AMZ1: variants seen among roughly 807,000 people sequenced by gnomAD.
The protein encoded by AMZ1 is archaemetzincin-1.
A neutral mutation model predicts 29.9 loss-of-function variants in AMZ1; 39 were observed. The ratio of observed to expected loss-of-function variants is 1.30; its 90% CI spans 1.01 to 1.70. The LOEUF is 1.70. AMZ1 is among the 40% of genes most tolerant of loss of function. The pLI, the probability that AMZ1 is intolerant of heterozygous loss-of-function variation, is 0.00. For synonymous variants in AMZ1, 458 were observed against 304.0 expected (o/e 1.51, Z -5.27); for missense variants, 1,041 against 680.6 (o/e 1.53, Z -5.89).
At chr7:2,711,551 G>A (rs965231373) in intron 6 of AMZ1, among the ~76,000 whole-genome samples, 5 of 152,184 alleles carry the variant, frequency 3.3e-5, no homozygotes, top group Non-Finnish European at 7.3e-5. Context: ...GTGAAATGGA[G>A]AAAACATTTA....
upstream of AMZ1, chr7:2,762,651 G>C (rs1406242039): frequency 3.8e-6 from 6 of 1,599,186 alleles, no homozygotes; most frequent in Non-Finnish European, 5.1e-6. Flanking sequence ...CAGAGCGGCA[G>C]GACGATGAGA....
At chr7:2,709,494 C>G in intron 5 of AMZ1, 146 bp from the exon 6 acceptor site, 1 of 1,304,536 alleles carries the variant, frequency 7.7e-7, no homozygotes, top group South Asian at 1.5e-5. Flanking sequence ...CCTGTGCCGC[C>G]TGGGGCAGGG....
chr7:2,679,825 G>A (rs1786820138), intron 1 of AMZ1, among the ~76,000 whole-genome samples: 1 of 152,260 alleles, frequency 6.6e-6, no homozygotes, highest in East Asian at 1.9e-4. Context: ...AGGGAAGAAA[G>A]GACAGAGTCT....
intron 4 of AMZ1, among the ~76,000 whole-genome samples, chr7:2,747,746 C>G (rs149041923): frequency 6.6e-6 from 1 of 152,072 alleles, no homozygotes; most frequent in Non-Finnish European, 1.5e-5. Flanking sequence ...TGTTTGCAGA[C>G]GACATGATTG....
At chr7:2,694,736 G>C (rs560819415) in intron 1 of AMZ1, among the ~76,000 whole-genome samples, 52 of 151,390 alleles carry the variant, frequency 3.4e-4, no homozygotes, top group Non-Finnish European at 2.8e-4. Flanking sequence ...GCAGTGGCGC[G>C]ATCTCAGCTC....
At chr7:2,721,129 G>A (rs923232152), downstream of AMZ1, among the ~76,000 whole-genome samples, 8 of 152,210 alleles carry the variant, frequency 5.3e-5, no homozygotes, top group Non-Finnish European at 4.4e-5. Flanking sequence ...ACTGGGTGGC[G>A]CGGGAGGTTC....
intron 4 of AMZ1, among the ~76,000 whole-genome samples, chr7:2,727,883 C>T (rs1474106576): frequency 1.3e-5 from 2 of 151,524 alleles, no homozygotes; most frequent in South Asian, 2.1e-4. Context: ...TGGTGAAACC[C>T]TGTCTCTACT....
At chr7:2,689,044 T>C (rs1787223903) in intron 1 of AMZ1, among the ~76,000 whole-genome samples, 1 of 152,218 alleles carries the variant, frequency 6.6e-6, no homozygotes, top group African/African-American at 2.4e-5. Context: ...CCACTACCCC[T>C]GCGGTCTAAG....
intron 4 of AMZ1, among the ~76,000 whole-genome samples, chr7:2,743,967 G>A (rs1790637467): frequency 6.6e-6 from 1 of 152,174 alleles, no homozygotes; most frequent in African/African-American, 2.4e-5. Flanking sequence ...CAGCGAGGCT[G>A]GGGGAGGGGT....
chr7:2,735,501 C>T (rs992692416), intron 4 of AMZ1, among the ~76,000 whole-genome samples: 1 of 152,164 alleles, frequency 6.6e-6, no homozygotes, highest in African/African-American at 2.4e-5. Context: ...GGAAAAGCAC[C>T]ACAGAGGGCA....
intron 4 of AMZ1, among the ~76,000 whole-genome samples, chr7:2,745,164 G>C (rs887374670): frequency 6.6e-6 from 1 of 152,140 alleles, no homozygotes; most frequent in Admixed American, 6.5e-5. Flanking sequence ...AGGAAATACA[G>C]AGAACACCAC....
chr7:2,758,401 G>C (rs1791401390), intron 4 of AMZ1, among the ~76,000 whole-genome samples: 1 of 152,176 alleles, frequency 6.6e-6, no homozygotes, highest in Non-Finnish European at 1.5e-5. Context: ...AGGGTGTAAA[G>C]GGCAGACAGT....
At chr7:2,761,414 C>T (rs1015646645), upstream of AMZ1, among the ~76,000 whole-genome samples, 6 of 152,214 alleles carry the variant, frequency 3.9e-5, no homozygotes, top group Non-Finnish European at 5.9e-5. Flanking sequence ...CTCCCAAGGA[C>T]GGCTGACTTC....
At chr7:2,707,283 AAAAAAC>A (rs753814132) in intron 3 of AMZ1, among the ~76,000 whole-genome samples, 1 of 151,758 alleles carries the variant, frequency 6.6e-6, no homozygotes, top group Non-Finnish European at 1.5e-5. Flanking sequence ...TCTCAAAAAA[AAAAAAC>A]AAAAAAACAC....
chr7:2,718,042 C>G lies in AMZ1; in HGVS notation c.*5164C>G, dbSNP rs1000767159. Among the ~76,000 whole-genome samples, 1 of 152,182 alleles carries G rather than the reference C, an allele frequency of 6.6e-6. No homozygotes were observed. Among genetic ancestry groups the G allele is most frequent in the African/African-American group, 2.4e-5 (1 of 41,442 alleles). ...CTCAGAGGGTCCGCGGCAGCCAGGC[C>G]CGTCCAACCTCCTGCCCTCTCTGAG... On this transcript the variant is annotated 3_prime_UTR_variant, in exon 7 of 7. Transcript: ENST00000683327.
chr7:2,709,984 G>A (rs956151096), intron 6 of AMZ1, among the ~76,000 whole-genome samples, 168 bp downstream of exon 6: 7 of 152,228 alleles, frequency 4.6e-5, no homozygotes, highest in Non-Finnish European at 1.0e-4. Context: ...AGCTCCATCC[G>A]GATCTCACTG....
At chr7:2,691,622 T>C (rs1787390574) in intron 1 of AMZ1, among the ~76,000 whole-genome samples, 1 of 138,948 alleles carries the variant, frequency 7.2e-6, no homozygotes, top group Non-Finnish European at 1.5e-5. Context: ...GCGCCTGCAG[T>C]CCCAGCTGTT....
rs1224746523 is a variant in AMZ1 at position 2,736,735 on chromosome 7, GAC to G, written n.550+26924_550+26925del. On this transcript the variant is annotated intron_variant and non_coding_transcript_variant, in intron 4 of 4. Coordinates refer to the AMZ1 transcript ENST00000489665. ...TCACCCACACCTCCGGTGGGAGAAA[GAC>G]ACACGCTCGGCTTGCTGCCGCTCAG... Among the ~76,000 whole-genome samples, 10 of 152,328 alleles carry G rather than the reference GAC, an allele frequency of 6.6e-5. No individual in the cohort carries two copies. The East Asian group carries it at 9.6e-4, about 15-fold the overall frequency.
chr7:2,709,208 GTGCTTCAGTGCCCTGGGGA>G lies in AMZ1; in HGVS notation c.738_756del (p.Cys246TrpfsTer49). On this transcript the variant is annotated frameshift_variant, in exon 5 of 7. Transcript: ENST00000683327. LOFTEE classifies it high-confidence loss of function. ...CCCTGCAGGACAGGGGCTGGGCCCT[GTGCTTCAGTGCCCTGGGGA>G]TGGTTCAGTGCTGCAAGGTGGGTGG... The G allele has an allele frequency of 6.6e-7, 1 of 1,512,946 alleles. No individual in the cohort carries two copies. Among genetic ancestry groups the G allele is most frequent in the Non-Finnish European group, 8.8e-7 (1 of 1,132,310 alleles). 93.7% of individuals were successfully genotyped at this position (1,512,946 alleles called of 1,614,324 possible).
Sources: gnomAD v4.1 joint callset for allele counts (sites outside exome capture counted in the v4.1 genomes callset) on GRCh38, gnomAD v4.1.1 for gene constraint, MANE v1.5 for transcripts, NCBI Gene and HGNC (gene_info 2026-07-23, HGNC 2026-07-21) for gene names.